The following BMX variants were observed in gnomAD, a reference collection of about 807,000 sequenced individuals.
The protein encoded by BMX is cytoplasmic tyrosine-protein kinase BMX.
BMX carries 31 observed loss-of-function variants against 59.2 expected under a neutral mutation model. That is an observed-to-expected ratio of 0.52 (90% CI 0.39 to 0.71). The LOEUF (loss-of-function observed/expected upper bound fraction) is 0.71. Among genes scored for constraint, BMX ranks in the 30% least tolerant of loss-of-function variants. The probability of loss-of-function intolerance (pLI) is 0.00; values close to 1 mark genes in which losing one functional copy is unlikely to be tolerated. For synonymous variants in BMX, 185 were observed against 181.0 expected, an observed-to-expected ratio of 1.02 and a Z score of -0.18; for missense variants, 474 against 491.7, an observed-to-expected ratio of 0.96 and a Z score of 0.34.
intron 8 of BMX, among the ~76,000 whole-genome samples, 171 bp from the exon 9 acceptor site, chrX:15,525,871 C>G (rs183145627): frequency 1.8e-5 from 2 of 112,450 alleles, no homozygotes; most frequent in East Asian, 2.8e-4. Flanking sequence ...GAGTGACTCT[C>G]TCTTTACTGT....
Position 15,508,402 on chromosome X carries a change from C to T in BMX, c.49C>T (p.Gln17Ter). ...LEELLLKRSQQKKKMSPNNYK... is the reference protein window; with the variant it reads ...LEELLLKRSQ The stretch of plus-strand genomic sequence containing the variant: ...AGAACTTCTTCTCAAAAGATCACAG[C>T]AAAAGAAGAAAATGTCACCAAATAA... Residue 17 changes from glutamine to a stop codon, truncating the protein, a stop_gained, in exon 2 of 19, where the codon CAA (glutamine) becomes TAA (stop). Coordinates refer to ENST00000348343, the MANE Select transcript of BMX (RefSeq NM_203281.3). LOFTEE classifies it high-confidence loss of function. The T allele has an allele frequency of 2.5e-6, 3 of 1,176,571 alleles. No individual in the cohort carries two copies. The highest frequency in any genetic ancestry group is 3.4e-6 in the Non-Finnish European group (3 of 870,632).
At chrX:15,519,442 A>C (rs1387994538) in intron 6 of BMX, among the ~76,000 whole-genome samples, 1 of 111,854 alleles carries the variant, frequency 8.9e-6, no homozygotes, top group Non-Finnish European at 1.9e-5. Context: ...GTAATTAGTT[A>C]AAGATCAAGA....
chrX:15,523,612 G>A (rs1414975541), intron 7 of BMX, among the ~76,000 whole-genome samples: 4 of 111,218 alleles, frequency 3.6e-5, no homozygotes, highest in Non-Finnish European at 7.5e-5. Context: ...TTACATTTGT[G>A]CGCCTGCAGC....
In BMX at chrX:15,546,912, T is replaced by C. The variant is rs780798273; in HGVS notation, c.1786T>C (p.Trp596Arg). The change falls in exon 17 of 19, where the codon TGG (tryptophan) becomes CGG (arginine). Residue 596 changes from tryptophan to arginine, a missense_variant. Physicochemically the swap from Trp to Arg is moderately radical, Grantham distance 101. Coordinates refer to ENST00000348343, the MANE Select transcript of BMX (RefSeq NM_203281.3). ...YFKYSSKSDV[W>R]AFGILMWEVF... ...CAAATACAGCAGCAAGTCAGACGTA[T>C]GGGCATTTGGTAAGGATGTGGCCAC... is the stretch of plus-strand genomic sequence containing the variant. The C allele has an allele frequency of 8.3e-7, 1 of 1,204,776 alleles. No homozygotes were observed. Among genetic ancestry groups the C allele is most frequent in the East Asian group, 3.0e-5 (1 of 33,753 alleles).
chrX:15,521,002 ATC>A (rs1365826376), intron 6 of BMX, among the ~76,000 whole-genome samples: 10 of 109,034 alleles, frequency 9.2e-5, no homozygotes, highest in Admixed American at 9.6e-5. Flanking sequence ...TATTAAATGC[ATC>A]TCTTTCTGTC....
chrX:15,530,155 C>G, intron 10 of BMX, 128 bp downstream of exon 10: 1 of 642,731 alleles, frequency 1.6e-6, no homozygotes, highest in East Asian at 3.6e-5. Context: ...GTTGCTTGTC[C>G]AGTCTGTGGG....
At chrX:15,507,451 C>T in intron 1 of BMX, 1 of 613,355 alleles carries the variant, frequency 1.6e-6, no homozygotes, top group Non-Finnish European at 2.0e-6. Context: ...AAGATTTTAA[C>T]TATTGGGCAT....
intron 17 of BMX, among the ~76,000 whole-genome samples, chrX:15,547,228 G>C (rs1226320486): frequency 8.9e-6 from 1 of 111,991 alleles, no homozygotes; most frequent in Admixed American, 9.4e-5. Flanking sequence ...TCCAGCTGGG[G>C]CAACACAGTT....
chrX:15,500,974 G>A (rs1254333832), intron 1 of BMX, 34 bp downstream of exon 1: 79 of 751,952 alleles, frequency 1.1e-4, no homozygotes, highest in Non-Finnish European at 1.2e-4. Context: ...ACTCAGTGTC[G>A]CATACTATGC....
chrX:15,549,572 T>G (rs1926097664), intron 17 of BMX, among the ~76,000 whole-genome samples: 1 of 111,702 alleles, frequency 9.0e-6, no homozygotes, highest in Non-Finnish European at 1.9e-5. Context: ...GGTTCCTCTG[T>G]GGCTGCCCTT....
chrX:15,507,338 T>C, intron 1 of BMX: 1 of 755,134 alleles, frequency 1.3e-6, no homozygotes, highest in Non-Finnish European at 1.6e-6. Context: ...CTCAAAGCAG[T>C]AACTTTTTGC....
chrX:15,531,089 T>C (rs1301419727), intron 10 of BMX, among the ~76,000 whole-genome samples: 5 of 111,301 alleles, frequency 4.5e-5, no homozygotes, highest in Non-Finnish European at 9.4e-5. Context: ...TAGGCTTGCA[T>C]AAGCACAACA....
chrX:15,504,362 A>C (rs1314734041), intron 1 of BMX, among the ~76,000 whole-genome samples: 1 of 112,009 alleles, frequency 8.9e-6, no homozygotes, highest in Non-Finnish European at 1.9e-5. Flanking sequence ...AGTGCAGGGA[A>C]GGGGCTTGGC....
intron 1 of BMX, among the ~76,000 whole-genome samples, chrX:15,505,572 A>G (rs892454467): frequency 1.8e-5 from 2 of 112,708 alleles, no homozygotes; most frequent in East Asian, 2.8e-4. Context: ...CCCTGTCTGT[A>G]TCTCTTGGCT....
chrX:15,528,897 G>A (rs769726901), intron 9 of BMX, among the ~76,000 whole-genome samples: 10 of 111,888 alleles, frequency 8.9e-5, no homozygotes, highest in Admixed American at 2.8e-4. Flanking sequence ...TATATATCCT[G>A]TATCACAGCC....
At chrX:15,508,235 C>T in intron 1 of BMX, 110 bp from the exon 2 acceptor site, 1 of 454,390 alleles carries the variant, frequency 2.2e-6, no homozygotes, top group Non-Finnish European at 3.4e-6. Flanking sequence ...TTATTAAAAT[C>T]AGCATTTATA....
At chrX:15,526,354 G>A (rs111628320) in intron 9 of BMX, among the ~76,000 whole-genome samples, 5 of 111,861 alleles carry the variant, frequency 4.5e-5, no homozygotes, top group African/African-American at 9.7e-5. Context: ...TATGTCCAGC[G>A]TCACCTTCAT....
chrX:15,521,637 C>G (rs1412993267), intron 6 of BMX, among the ~76,000 whole-genome samples: 1 of 111,231 alleles, frequency 9.0e-6, no homozygotes, highest in Non-Finnish European at 1.9e-5. Context: ...GGCTCCTTCC[C>G]CTGTCTGCAG....
At chrX:15,508,572 A>G in intron 2 of BMX, 81 bp downstream of exon 2, 1 of 810,923 alleles carries the variant, frequency 1.2e-6, no homozygotes, top group Admixed American at 3.6e-5. Context: ...TCATAATGAA[A>G]GAATATCAGG....
Sources: allele counts gnomAD v4.1 joint callset (sites outside exome capture counted in the v4.1 genomes callset), GRCh38; gene constraint gnomAD v4.1.1; transcripts MANE v1.5; gene names NCBI Gene and HGNC (gene_info 2026-07-23, HGNC 2026-07-21).